The following PXDN variants were observed in gnomAD, a reference collection of about 807,000 sequenced individuals.
The protein encoded by PXDN is peroxidasin, also known as peroxidasin homolog.
In PXDN, 77 loss-of-function variants were observed where a neutral mutation model predicts 140.3. The ratio of observed to expected loss-of-function variants is 0.55; its 90% CI spans 0.46 to 0.66. PXDN has a LOEUF of 0.66. Among genes scored for constraint, PXDN ranks in the 30% least tolerant of loss-of-function variants. The probability of loss-of-function intolerance (pLI) is 0.00; values close to 1 mark genes in which losing one functional copy is unlikely to be tolerated. For synonymous variants in PXDN, 911 were observed against 857.4 expected, an observed-to-expected ratio of 1.06 and a Z score of -1.09; for missense variants, 1,838 against 2,039.5, an observed-to-expected ratio of 0.90 and a Z score of 1.90.
chr2:1,680,531 A>T (rs920502799), intron 6 of PXDN, among the ~76,000 whole-genome samples, 169 bp from the exon 7 acceptor site: 1 of 152,084 alleles, frequency 6.6e-6, no homozygotes, highest in African/African-American at 2.4e-5. Context: ...CCGGTGCCCG[A>T]CTCAGGGAGT....
chr2:1,638,306 A>C (rs974085237), intron 21 of PXDN, among the ~76,000 whole-genome samples: 9 of 152,092 alleles, frequency 5.9e-5, no homozygotes, highest in African/African-American at 1.9e-4. Flanking sequence ...AGCAGAAGTA[A>C]GTTCCTGGGA....
intron 1 of PXDN, among the ~76,000 whole-genome samples, chr2:1,727,414 G>A (rs890452930): frequency 1.3e-5 from 2 of 152,244 alleles, no homozygotes; most frequent in South Asian, 2.1e-4. Context: ...TTGGCTGTGC[G>A]CTAGGAGGTT....
intron 1 of PXDN, among the ~76,000 whole-genome samples, chr2:1,729,336 A>ACCCT (rs546801696): frequency 6.6e-6 from 1 of 151,948 alleles, no homozygotes; most frequent in Non-Finnish European, 1.5e-5. Flanking sequence ...TCAGCCCCTG[A>ACCCT]CCCTCCCTTC....
rs935191330 is a variant in PXDN, at chr2:1,666,253, T to A, written c.1252A>T (p.Ile418Phe). The stretch of plus-strand genomic sequence containing the variant: ...AAAGCGGTGGCATGGACGCTGTCAA[T>A]GTTGTTGGTCGCAGAGCACGCATAC... ...GEYACSATNN[I>F]DSVHATAFII... is the part of the protein sequence containing the mutation. Residue 418 changes from isoleucine (I) to phenylalanine (F), a missense_variant, in exon 10 of 23, where the codon ATT (isoleucine) becomes TTT (phenylalanine). Ile to Phe is a conservative substitution (Grantham distance 21). Coordinates refer to ENST00000252804, the MANE Select transcript of PXDN (RefSeq NM_012293.3). The A allele has an allele frequency of 6.2e-7, 1 of 1,613,944 alleles. No homozygotes were observed.
At chr2:1,735,267 C>T (rs574460569) in intron 1 of PXDN, among the ~76,000 whole-genome samples, 5 of 152,268 alleles carry the variant, frequency 3.3e-5, no homozygotes, top group African/African-American at 1.2e-4. Context: ...TTTTGACCCC[C>T]CCATGAATCA....
intron 22 of PXDN, 21 bp downstream of exon 22, chr2:1,635,387 G>A: frequency 1.9e-6 from 3 of 1,550,720 alleles, no homozygotes; most frequent in Non-Finnish European, 2.6e-6. Flanking sequence ...AGGACATGAA[G>A]ATAGAGCCCC....
At chr2:1,736,620 G>T (rs1685428774) in intron 1 of PXDN, among the ~76,000 whole-genome samples, 1 of 151,920 alleles carries the variant, frequency 6.6e-6, no homozygotes, top group South Asian at 2.1e-4. Context: ...AGGAGTTGAA[G>T]ACCAGCCTGG....
intron 14 of PXDN, among the ~76,000 whole-genome samples, chr2:1,655,430 TACAC>T (rs1014642104): frequency 1.4e-5 from 2 of 148,000 alleles, no homozygotes; most frequent in African/African-American, 2.5e-5. Flanking sequence ...CATCACATTG[TACAC>T]ACAAACACAC....
intron 1 of PXDN, among the ~76,000 whole-genome samples, chr2:1,733,354 T>C (rs1299065713): frequency 1.3e-5 from 2 of 151,566 alleles, no homozygotes; most frequent in Admixed American, 6.6e-5. Flanking sequence ...AAGGAGAAAA[T>C]CTTAAAAGCG....
intron 3 of PXDN, among the ~76,000 whole-genome samples, chr2:1,690,403 G>A (rs1449025037): frequency 2.0e-5 from 3 of 152,102 alleles, no homozygotes; most frequent in African/African-American, 7.2e-5. Context: ...GAGGGTTATT[G>A]AAAAGAGATC....
At chr2:1,684,745 T>A (rs937991418) in intron 4 of PXDN, among the ~76,000 whole-genome samples, 3 of 152,194 alleles carry the variant, frequency 2.0e-5, no homozygotes, top group Non-Finnish European at 4.4e-5. Context: ...ATACCCAGTG[T>A]TTCTATTTCT....
rs1682930076 is a variant in PXDN at position 1,648,910 on chromosome 2, G to A, written c.2870C>T (p.Thr957Met). 6.2e-7 allele frequency: 1 copy of A among 1,600,432 alleles called. No individual in the cohort carries two copies. The stretch of plus-strand genomic sequence containing the variant: ...CTCGTTCTCGTCCCGCATGCACTCC[G>A]TGGGCGGCCCGGTGGCGAAGGGGAG... ...PLLPFATGPP[T>M]ECMRDENESP... Residue 957 changes from threonine to methionine, a missense_variant, in exon 17 of 23, where the codon ACG (threonine) becomes ATG (methionine). Transcript: ENST00000252804. The surrounding 1 kb of genome is among the most constrained non-coding windows in gnomAD (Gnocchi z 8.9).
intron 14 of PXDN, among the ~76,000 whole-genome samples, chr2:1,658,095 T>TCCCCCTCTCTCTC: frequency 7.4e-6 from 1 of 135,482 alleles, no homozygotes; most frequent in African/African-American, 2.9e-5. Flanking sequence ...TCTCTCTCTG[T>TCCCCCTCTCTCTC]TACAGTGTCT....
intron 1 of PXDN, among the ~76,000 whole-genome samples, chr2:1,729,599 T>C (rs937945567): frequency 6.6e-6 from 1 of 152,088 alleles, no homozygotes; most frequent in Non-Finnish European, 1.5e-5. Flanking sequence ...GTCTACACGT[T>C]GGATACAGTG....
At chr2:1,646,843 C>T (rs1172617231) in intron 17 of PXDN, among the ~76,000 whole-genome samples, 1 of 152,182 alleles carries the variant, frequency 6.6e-6, no homozygotes, top group East Asian at 1.9e-4. Context: ...GATTCATAAT[C>T]CAAGGACTGA....
rs566508541 is a variant in PXDN, at chr2:1,648,759, C to A, written c.3021G>T (p.Pro1007=). 5.2e-5 allele frequency: 83 copies of A among 1,603,596 alleles called. No homozygotes were observed. Among genetic ancestry groups the A allele is most frequent in the Non-Finnish European group, 7.1e-5 (83 of 1,175,744 alleles). ...AGTAGATGGTGTCGCCGTCCCAGTG[C>A]GGGTTCAGCTTGAGCAGCTCCGTGG... ...RIATELLKLN[P]HWDGDTIYYE... is the part of the protein sequence containing the mutation. The change falls in exon 17 of 23, where the codon CCG becomes CCT. Residue 1007 remains proline (P), a synonymous_variant. Transcript: ENST00000252804. The surrounding 1 kb of genome is among the most constrained non-coding windows in gnomAD (Gnocchi z 8.9).
At position 1,691,041 on chromosome 2, in the gene PXDN, C is replaced by G. The variant is rs868709812; in HGVS notation, c.344+887G>C. Reference sequence around the variant, plus strand: ...TGATGGGTGCAGCAAAGCACCATGGCACGTGTACCCCTATGTAACAAACCT... The same window carrying G: ...TGATGGGTGCAGCAAAGCACCATGGGACGTGTACCCCTATGTAACAAACCT... On this transcript the variant is annotated intron_variant, in intron 3 of 22. Coordinates refer to ENST00000252804, the MANE Select transcript of PXDN (RefSeq NM_012293.3). 4.6e-5 allele frequency among the ~76,000 whole-genome samples: 7 copies of G among 152,262 alleles called. 1 individual carries two copies. Among genetic ancestry groups the G allele is most frequent in the Middle Eastern group, 6.8e-3 (2 of 292 alleles).
rs774109580 is a variant in PXDN, at chr2:1,714,127, C to T, written c.201-20993G>A. 3.9e-5 allele frequency among the ~76,000 whole-genome samples: 6 copies of T among 152,232 alleles called. No individual in the cohort carries two copies. The highest frequency in any genetic ancestry group is 6.5e-5 in the Admixed American group (1 of 15,284). ...CATCCGTCACCTTTGGTGACTTCCC[C>T]GCCACAACACCCATCCACATCCAGG... On this transcript the variant is annotated intron_variant, in intron 1 of 22. Transcript: ENST00000252804. This position sits in a 1 kb window ranked among gnomAD's most constrained non-coding sequence, Gnocchi z 4.3.
intron 14 of PXDN, among the ~76,000 whole-genome samples, chr2:1,658,112 G>A (rs575106472): frequency 6.0e-5 from 8 of 132,756 alleles, no homozygotes; most frequent in Admixed American, 1.7e-4. Context: ...GTCTGCGTGC[G>A]TCCACTCTCA....
Sources: allele counts gnomAD v4.1 joint callset (sites outside exome capture counted in the v4.1 genomes callset), GRCh38; gene constraint gnomAD v4.1.1; non-coding constraint Gnocchi (gnomAD v3.1); transcripts MANE v1.5; gene names NCBI Gene and HGNC (gene_info 2026-07-23, HGNC 2026-07-21).